The following RBM28 variants were observed in gnomAD, a reference collection of about 807,000 sequenced individuals.
RBM28 encodes RNA-binding protein 28.
Under a neutral mutation model 98.3 loss-of-function variants are expected in RBM28, and 78 were observed. The observed-to-expected ratio is 0.79, with a 90% CI of 0.66 to 0.96. The LOEUF is 0.96. RBM28 is among the 40% of genes least tolerant of loss of function. The pLI, the probability that RBM28 is intolerant of heterozygous loss-of-function variation, is 0.00. For missense variants in RBM28, 838 were observed against 913.0 expected, an observed-to-expected ratio of 0.92 and a Z score of 1.06; for synonymous variants, 306 against 330.9, an observed-to-expected ratio of 0.92 and a Z score of 0.82.
At chr7:128,321,455 A>T in intron 13 of RBM28, 31 bp from the exon 14 acceptor site, 1 of 1,613,304 alleles carries the variant, frequency 6.2e-7, no homozygotes, top group Non-Finnish European at 8.5e-7. Flanking sequence ...TAACAGTACA[A>T]CCCACTCTTT....
chr7:128,322,329 ATCTGTG>A (rs1437222355), intron 13 of RBM28, among the ~76,000 whole-genome samples: 1 of 152,200 alleles, frequency 6.6e-6, no homozygotes, highest in Non-Finnish European at 1.5e-5. Flanking sequence ...TTCCTGCGTG[ATCTGTG>A]TCTAAAATGA....
chr7:128,339,930 CAA>C (rs2116393573), intron 1 of RBM28, 139 bp from the exon 2 acceptor site: 9 of 1,036,736 alleles, frequency 8.7e-6, no homozygotes, highest in Non-Finnish European at 1.3e-5. Flanking sequence ...ATCAGTTTGC[CAA>C]AAGTCTCAGG....
chr7:128,333,232 A>G (rs1456417923), intron 9 of RBM28, 58 bp downstream of exon 9: 50 of 1,359,836 alleles, frequency 3.7e-5, no homozygotes, highest in Non-Finnish European at 5.0e-5. Context: ...AGAGAAGAAG[A>G]AGGAAGAGAG....
intron 13 of RBM28, 127 bp downstream of exon 13, chr7:128,323,400 A>T: frequency 9.2e-7 from 1 of 1,089,726 alleles, no homozygotes; most frequent in Non-Finnish European, 1.4e-6. Flanking sequence ...TTTTCTCCCT[A>T]ACAGGGCAAT....
chr7:128,321,820 G>A (rs550497093), intron 13 of RBM28, among the ~76,000 whole-genome samples: 6 of 152,302 alleles, frequency 3.9e-5, no homozygotes, highest in African/African-American at 1.4e-4. Context: ...GGCCAGGGCA[G>A]GCAGATCACC....
chr7:128,336,076 T>C lies in RBM28; in HGVS notation c.614-34A>G, dbSNP rs148232625. On this transcript the variant is annotated intron_variant, in intron 6 of 18. Coordinates refer to ENST00000223073, the MANE Select transcript of RBM28 (RefSeq NM_018077.3). ...GGAGGTAAAGAAAGGAGGAATTCAT[T>C]TAATATCCAAAACAATGTTATTTTA... The C allele has an allele frequency of 6.2e-4, 969 of 1,559,860 alleles. 7 individuals are homozygous for C. In the African/African-American group the frequency reaches 0.011, roughly 18 times the overall value.
At chr7:128,330,704 G>T in intron 10 of RBM28, 115 bp downstream of exon 10, 1 of 808,850 alleles carries the variant, frequency 1.2e-6, no homozygotes, top group East Asian at 2.5e-5. Flanking sequence ...CAGAAACCTG[G>T]GCTGGATGGA....
chr7:128,318,198 C>T lies in RBM28; in HGVS notation c.1564-92G>A, dbSNP rs1796147242. On this transcript the variant is annotated intron_variant, in intron 14 of 18. Transcript: ENST00000223073. ...TTAATAGAGTCAATAAGAAATCAGG[C>T]TATTGGGTGGGCATGGTGGTTCATG... The T allele has an allele frequency of 2.3e-6, 3 of 1,327,628 alleles. No homozygotes were observed. In the African/African-American group the frequency reaches 4.4e-5, roughly 19 times the overall value. The allele number at this position is 1,327,628 out of a possible 1,614,324, so 82.2% of individuals were successfully genotyped here. A position where few individuals can be genotyped will look rare whatever the true frequency, so the allele number is the denominator to read the frequency against.
chr7:128,315,869 T>C (rs1796097696), intron 16 of RBM28, among the ~76,000 whole-genome samples: 1 of 151,922 alleles, frequency 6.6e-6, no homozygotes, highest in Non-Finnish European at 1.5e-5. Flanking sequence ...AGAAGAAAAA[T>C]GACATAGGTC....
chr7:128,335,014 C>T (rs986301231), intron 8 of RBM28, among the ~76,000 whole-genome samples: 1 of 152,222 alleles, frequency 6.6e-6, no homozygotes, highest in African/African-American at 2.4e-5. Flanking sequence ...AATCAGCTGG[C>T]ACCTGGGACT....
At chr7:128,323,485 T>C (rs1294647926) in intron 13 of RBM28, 42 bp downstream of exon 13, 3 of 1,608,220 alleles carry the variant, frequency 1.9e-6, no homozygotes, top group Non-Finnish European at 1.7e-6. Context: ...GATTGATTTA[T>C]AGGCCACGCA....
In RBM28 at chr7:128,343,836, G is replaced by T. The variant is rs559982352; in HGVS notation, c.-43C>A. ...AGCGCGTGAGGACGCGAGCAAACTA[G>T]GCCGGCGCACGCGAGCCGAAACGCT... is the stretch of plus-strand genomic sequence containing the variant. On this transcript the variant is annotated 5_prime_UTR_variant, in exon 1 of 19. Transcript: ENST00000223073. 1 of 1,429,542 alleles carries T rather than the reference G, an allele frequency of 7.0e-7. No homozygotes were observed. Among genetic ancestry groups the T allele is most frequent in the Non-Finnish European group, 9.5e-7 (1 of 1,051,068 alleles). The allele number at this position is 1,429,542 out of a possible 1,614,324, so 88.6% of individuals were successfully genotyped here.
Position 128,314,929 on chromosome 7 carries a change from T to C in RBM28, c.1880A>G (p.His627Arg), listed in dbSNP as rs1226210407. Reference protein sequence around the residue: ...KDQQQKAAQHHTEEQSKVPPE... With the variant: ...KDQQQKAAQHRTEEQSKVPPE... The stretch of plus-strand genomic sequence containing the variant: ...GGGCACCTTGCTTTGTTCCTCTGTG[T>C]GGTGTTGAGCTGCCTTCTGTTGCTG... The change falls in exon 17 of 19, where the codon CAC (histidine) becomes CGC (arginine). Residue 627 changes from histidine (H) to arginine (R), a missense_variant. Physicochemically the swap from His to Arg is conservative, Grantham distance 29. Coordinates refer to ENST00000223073, the MANE Select transcript of RBM28 (RefSeq NM_018077.3). The C allele has an allele frequency of 1.9e-6, 3 of 1,614,042 alleles. No homozygotes were observed. The Admixed American group carries it at 5.0e-5, about 27-fold the overall frequency.
At chr7:128,318,316 C>T (rs1796149563) in intron 14 of RBM28, among the ~76,000 whole-genome samples, 1 of 151,872 alleles carries the variant, frequency 6.6e-6, no homozygotes, top group South Asian at 2.1e-4. Flanking sequence ...AAAACCTTGT[C>T]TCTACAAAAA....
rs867638616 is a variant in RBM28 at position 128,301,873 on chromosome 7, C to T, written c.*8924G>A. ...AGAAACTGACTTTCCATGGCTCCGA[C>T]GAGGGGTCCTGAGGCACTCTATCGA... is the stretch of plus-strand genomic sequence containing the variant. On this transcript the variant is annotated 3_prime_UTR_variant, in exon 19 of 19. Coordinates refer to ENST00000223073, the MANE Select transcript of RBM28 (RefSeq NM_018077.3). 2 of 152,324 alleles carry T rather than the reference C, an allele frequency of 1.3e-5. No individual in the cohort carries two copies. Among genetic ancestry groups the T allele is most frequent in the South Asian group, 4.1e-4 (2 of 4,832 alleles). 9.4% of individuals were successfully genotyped at this position (152,324 alleles called of 1,614,324 possible). A position where few individuals can be genotyped will look rare whatever the true frequency, so the allele number is the denominator to read the frequency against.
intron 9 of RBM28, among the ~76,000 whole-genome samples, chr7:128,331,900 T>C (rs780088174): frequency 2.6e-5 from 4 of 152,212 alleles, no homozygotes; most frequent in Non-Finnish European, 5.9e-5. Context: ...ATAACCCAGA[T>C]AAAAAAGGTT....
chr7:128,325,829 G>A lies in RBM28; in HGVS notation c.1192C>T (p.Pro398Ser). The change falls in exon 11 of 19, where the codon CCA (proline) becomes TCA (serine). Residue 398 changes from proline (P) to serine (S), a missense_variant. Pro to Ser is a moderately conservative substitution (Grantham distance 74, BLOSUM62 -1). Coordinates refer to ENST00000223073, the MANE Select transcript of RBM28 (RefSeq NM_018077.3). Reference protein sequence around the residue: ...AAQKCLLAASPENEAGGLKLD... With the variant: ...AAQKCLLAASSENEAGGLKLD... Reference sequence around the variant, plus strand: ...AATATCTTCCTTACCTCATTCTCTGGAGAAGCAGCTAGAAGGCATTTCTGA... The same window carrying A: ...AATATCTTCCTTACCTCATTCTCTGAAGAAGCAGCTAGAAGGCATTTCTGA... 1 of 1,613,150 alleles carries A rather than the reference G, an allele frequency of 6.2e-7. No homozygotes were observed. Among genetic ancestry groups the A allele is most frequent in the Non-Finnish European group, 8.5e-7 (1 of 1,179,450 alleles).
At chr7:128,339,526 C>T (rs1355356342) in intron 2 of RBM28, 107 bp downstream of exon 2, 15 of 1,414,254 alleles carry the variant, frequency 1.1e-5, no homozygotes, top group Middle Eastern at 1.8e-4. Context: ...AAAAGAAATG[C>T]AAAAAGCTTT....
rs928946897 is a variant in RBM28, at chr7:128,305,088, G to C, written c.*5709C>G. On this transcript the variant is annotated 3_prime_UTR_variant, in exon 19 of 19. Coordinates refer to ENST00000223073, the MANE Select transcript of RBM28 (RefSeq NM_018077.3). ...GAGGAAGAACTGCTTGAACCTGGGG[G>C]GTGGAGGTTGCAGTGAGCTGAGATC... is the stretch of plus-strand genomic sequence containing the variant. 2.0e-5 allele frequency: 3 copies of C among 151,944 alleles called. No homozygotes were observed. The highest frequency in any genetic ancestry group is 2.9e-5 in the Non-Finnish European group (2 of 68,024). 9.4% of individuals were successfully genotyped at this position (151,944 alleles called of 1,614,324 possible). A position where few individuals can be genotyped will look rare whatever the true frequency, so the allele number is the denominator to read the frequency against.
Sources: allele counts gnomAD v4.1 joint callset (sites outside exome capture counted in the v4.1 genomes callset), GRCh38; gene constraint gnomAD v4.1.1; transcripts MANE v1.5; gene names NCBI Gene and HGNC (gene_info 2026-07-23, HGNC 2026-07-21).